Variants in RAB7A observed in about 807,000 individuals in gnomAD.
RAB7A encodes RAB7A, member RAS oncogene family.
RAB7A carries 2 observed loss-of-function variants against 24.5 expected under a neutral mutation model. That is an observed-to-expected ratio of 0.08 (90% confidence interval 0.03 to 0.26). The LOEUF is 0.26. Ranked by LOEUF, RAB7A falls within the 10% of genes least tolerant of loss-of-function variation. RAB7A has a pLI of 1.00. For missense variants in RAB7A, 118 were observed against 255.7 expected, an observed-to-expected ratio of 0.46 and a Z score of 3.67; for synonymous variants, 100 against 95.9, an observed-to-expected ratio of 1.04 and a Z score of -0.25.
At chr3:128,761,074 T>G (rs764503099) in intron 1 of RAB7A, among the ~76,000 whole-genome samples, 4 of 152,174 alleles carry the variant, frequency 2.6e-5, no homozygotes, top group Non-Finnish European at 4.4e-5. Flanking sequence ...CCCAAATCCT[T>G]GGCGTAAGTG....
chr3:128,802,034 G>C (rs1489477506), intron 3 of RAB7A, among the ~76,000 whole-genome samples: 1 of 152,136 alleles, frequency 6.6e-6, no homozygotes, highest in Non-Finnish European at 1.5e-5. Context: ...TAACCCTCCT[G>C]AATGAAAGAG....
At chr3:128,810,411 A>C (rs564448952) in intron 5 of RAB7A, among the ~76,000 whole-genome samples, 1 of 152,284 alleles carries the variant, frequency 6.6e-6, no homozygotes, top group African/African-American at 2.4e-5. Context: ...TAGTCTGCTC[A>C]GGCTGCGTTA....
chr3:128,807,211 T>C (rs1376950786), intron 4 of RAB7A, among the ~76,000 whole-genome samples: 1 of 152,174 alleles, frequency 6.6e-6, no homozygotes, highest in Non-Finnish European at 1.5e-5. Context: ...TCCTGGGATC[T>C]CTGAGGTCCC....
At chr3:128,745,516 C>T (rs1576273194) in intron 1 of RAB7A, among the ~76,000 whole-genome samples, 2 of 152,120 alleles carry the variant, frequency 1.3e-5, no homozygotes, top group Admixed American at 1.3e-4. Context: ...GGTGCGCGCA[C>T]CACCATGCCC....
intron 1 of RAB7A, among the ~76,000 whole-genome samples, chr3:128,769,674 G>GTGCT (rs1391186612): frequency 6.6e-6 from 1 of 152,178 alleles, no homozygotes; most frequent in Non-Finnish European, 1.5e-5. Flanking sequence ...TGCTTTTGAT[G>GTGCT]TGCTATCTGT....
intron 5 of RAB7A, among the ~76,000 whole-genome samples, chr3:128,809,934 G>GTT (rs1231077081): frequency 2.1e-4 from 10 of 47,528 alleles, no homozygotes; most frequent in African/African-American, 2.5e-4. Context: ...TCTTGCCACA[G>GTT]TCTTTTTTTT....
chr3:128,813,434 G>C lies in RAB7A; in HGVS notation c.*12G>C. The C allele has an allele frequency of 1.2e-6, 2 of 1,612,112 alleles. No individual in the cohort carries two copies. Among genetic ancestry groups the C allele is most frequent in the Non-Finnish European group, 1.7e-6 (2 of 1,178,356 alleles). ...GCTGCAGTTGCTGAGGGGGCAGTGAGAGTTGAGCACAGAGTCCTTCACAAA... is the reference window on the plus strand; with the variant it reads ...GCTGCAGTTGCTGAGGGGGCAGTGACAGTTGAGCACAGAGTCCTTCACAAA... On this transcript the variant is annotated 3_prime_UTR_variant, in exon 6 of 6. Transcript: ENST00000265062.
At chr3:128,744,430 C>T (rs1022693035) in intron 1 of RAB7A, among the ~76,000 whole-genome samples, 12 of 152,150 alleles carry the variant, frequency 7.9e-5, no homozygotes, top group Admixed American at 6.5e-4. Context: ...GAAATTTATT[C>T]TCTTAGATAT....
At chr3:128,750,814 T>TC (rs972832420) in intron 1 of RAB7A, among the ~76,000 whole-genome samples, 3 of 152,210 alleles carry the variant, frequency 2.0e-5, no homozygotes, top group African/African-American at 7.2e-5. Flanking sequence ...TGGCAGCCCT[T>TC]CCCATCACAG....
chr3:128,747,252 A>C (rs1375543417), intron 1 of RAB7A, among the ~76,000 whole-genome samples: 1 of 151,416 alleles, frequency 6.6e-6, no homozygotes, highest in Non-Finnish European at 1.5e-5. Context: ...TGATCCTGCC[A>C]CTGTACTCCA....
At chr3:128,742,765 T>C (rs547967403) in intron 1 of RAB7A, among the ~76,000 whole-genome samples, 12 of 151,456 alleles carry the variant, frequency 7.9e-5, no homozygotes, top group Non-Finnish European at 1.5e-4. Flanking sequence ...CCCACTAGAT[T>C]AGCTAGACAC....
intron 1 of RAB7A, among the ~76,000 whole-genome samples, chr3:128,728,964 A>G (rs1247834095): frequency 1.3e-5 from 2 of 152,144 alleles, no homozygotes; most frequent in Non-Finnish European, 2.9e-5. Flanking sequence ...GTGTTACCCT[A>G]TCTCCCACAA....
chr3:128,793,500 G>A (rs2107610198), intron 1 of RAB7A, among the ~76,000 whole-genome samples: 1 of 152,268 alleles, frequency 6.6e-6, no homozygotes, highest in Non-Finnish European at 1.5e-5. Flanking sequence ...TGGCCAGGCT[G>A]GTCTCGAACT....
intron 1 of RAB7A, among the ~76,000 whole-genome samples, chr3:128,756,835 AT>A (rs1265237386): frequency 6.6e-5 from 10 of 150,520 alleles, no homozygotes; most frequent in African/African-American, 2.0e-4. Flanking sequence ...TCACCTTAGT[AT>A]TCGCTATCTT....
At chr3:128,731,448 A>G (rs561652679) in intron 1 of RAB7A, among the ~76,000 whole-genome samples, 2 of 152,364 alleles carry the variant, frequency 1.3e-5, no homozygotes, top group Non-Finnish European at 2.9e-5. Flanking sequence ...AAAAAGCGAT[A>G]ACATTTTGTA....
intron 3 of RAB7A, among the ~76,000 whole-genome samples, chr3:128,805,965 C>T (rs1321200270): frequency 6.6e-6 from 1 of 152,158 alleles, no homozygotes; most frequent in Non-Finnish European, 1.5e-5. Context: ...CGTGAGTCAT[C>T]ACCTCACTTC....
At chr3:128,788,549 A>G (rs546081174) in intron 1 of RAB7A, among the ~76,000 whole-genome samples, 106 of 152,320 alleles carry the variant, frequency 7.0e-4, no homozygotes, top group Admixed American at 1.6e-3. Context: ...TGTTTCAGGC[A>G]TTCACTGGGG....
At chr3:128,735,937 A>G (rs2070486451) in intron 1 of RAB7A, among the ~76,000 whole-genome samples, 1 of 152,224 alleles carries the variant, frequency 6.6e-6, no homozygotes. Flanking sequence ...AAGCTTGATG[A>G]CAGTGGTGCA....
intron 1 of RAB7A, among the ~76,000 whole-genome samples, chr3:128,793,362 C>T (rs139936364): frequency 1.3e-5 from 2 of 152,152 alleles, no homozygotes; most frequent in East Asian, 3.9e-4. Flanking sequence ...ATCATGTTAG[C>T]CAGGCTGGTC....
Sources: gnomAD v4.1 joint callset for allele counts (sites outside exome capture counted in the v4.1 genomes callset) on GRCh38, gnomAD v4.1.1 for gene constraint, MANE v1.5 for transcripts, NCBI Gene and HGNC (gene_info 2026-07-23, HGNC 2026-07-21) for gene names.